The following CTNNA3 variants were observed in gnomAD, a reference collection of about 807,000 sequenced individuals.
CTNNA3 encodes catenin alpha-3.
CTNNA3 carries 76 observed loss-of-function variants against 95.7 expected under a neutral mutation model. The ratio of observed to expected loss-of-function variants is 0.79; its 90% CI spans 0.66 to 0.96. The LOEUF (loss-of-function observed/expected upper bound fraction) is 0.96. CTNNA3 is among the 40% of genes least tolerant of loss of function. The probability of loss-of-function intolerance (pLI) is 0.00; values close to 1 mark genes in which losing one functional copy is unlikely to be tolerated. For missense variants in CTNNA3, 1,191 were observed against 1,089.8 expected, an observed-to-expected ratio of 1.09 and a Z score of -1.31; for synonymous variants, 431 against 374.4, an observed-to-expected ratio of 1.15 and a Z score of -1.74.
intron 15 of CTNNA3, among the ~76,000 whole-genome samples, chr10:66,021,852 C>CTTTTTGTTTTTTTTTTTTTTTTTT (rs2079219729): frequency 2.6e-5 from 2 of 75,952 alleles, no homozygotes; most frequent in Non-Finnish European, 2.4e-5. Flanking sequence ...AGGATCTTGG[C>CTTTTTGTTTTTTTTTTTTTTTTTT]TTTTTTTTTT....
intron 13 of CTNNA3, among the ~76,000 whole-genome samples, chr10:66,178,750 T>C (rs1392996071): frequency 6.6e-6 from 1 of 151,578 alleles, no homozygotes; most frequent in Non-Finnish European, 1.5e-5. Flanking sequence ...ATGGATAAAA[T>C]ACATGAGCAG....
chr10:67,039,337 T>G (rs777564526), intron 7 of CTNNA3, among the ~76,000 whole-genome samples: 1 of 152,160 alleles, frequency 6.6e-6, no homozygotes, highest in Non-Finnish European at 1.5e-5. Context: ...AATAAGTTAT[T>G]TATTCTAAGA....
chr10:67,703,417 C>T (rs1395959373), intron 1 of CTNNA3, among the ~76,000 whole-genome samples: 1 of 152,026 alleles, frequency 6.6e-6, no homozygotes, highest in African/African-American at 2.4e-5. Context: ...CATCAAAAAG[C>T]TTATCCACCA....
chr10:66,000,426 G>A (rs530600811), intron 15 of CTNNA3, among the ~76,000 whole-genome samples: 1 of 152,234 alleles, frequency 6.6e-6, no homozygotes. Flanking sequence ...TTTTCATAGA[G>A]TCATTTTGTC....
At chr10:67,066,341 C>T (rs541621366) in intron 7 of CTNNA3, among the ~76,000 whole-genome samples, 14 of 151,868 alleles carry the variant, frequency 9.2e-5, no homozygotes, top group African/African-American at 3.1e-4. Flanking sequence ...TACAGGTGTG[C>T]GCCACCACAT....
rs142793833 is a variant in CTNNA3 at position 66,052,339 on chromosome 10, G to A, written c.2159+16969C>T. On this transcript the variant is annotated intron_variant, in intron 15 of 17. Coordinates refer to ENST00000433211, the MANE Select transcript of CTNNA3 (RefSeq NM_013266.4). ...AAATTCTTATCCATAATTAGGAAAT[G>A]TGGTCACAAAATACAAATATCAAAG... Among the ~76,000 whole-genome samples the A allele has an allele frequency of 2.6e-3, 389 of 152,250 alleles. 5 individuals carry two copies. The highest frequency in any genetic ancestry group is 9.0e-3 in the African/African-American group (376 of 41,572).
intron 11 of CTNNA3, among the ~76,000 whole-genome samples, chr10:66,475,704 C>CA (rs1564999286): frequency 6.6e-6 from 1 of 151,922 alleles, no homozygotes; most frequent in African/African-American, 2.4e-5. Flanking sequence ...ATTAAAAAGT[C>CA]AAGAAACAAA....
chr10:66,806,756 A>ATGTGTGTG lies in CTNNA3; in HGVS notation c.1048-31240_1048-31233dup, dbSNP rs57749652. Among the ~76,000 whole-genome samples, 283 of 145,816 alleles carry ATGTGTGTG rather than the reference A, an allele frequency of 1.9e-3. 1 individual carries two copies. The highest frequency in any genetic ancestry group is 3.7e-3 in the African/African-American group (145 of 39,242). On this transcript the variant is annotated intron_variant, in intron 7 of 17. Coordinates refer to ENST00000433211, the MANE Select transcript of CTNNA3 (RefSeq NM_013266.4). ...TATATTTATAGAGAATGTGGCATAT[A>ATGTGTGTG]TGTGTGTGTGTGTGTGTGTGTGTGT...
chr10:66,043,956 CTGTGTG>C (rs59559225), intron 15 of CTNNA3, among the ~76,000 whole-genome samples: 7,082 of 144,436 alleles, frequency 0.049, 190 homozygotes, highest in Non-Finnish European at 0.053. Flanking sequence ...TAGGACTATG[CTGTGTG>C]TGTGTGTGTG....
At chr10:66,611,094 G>A (rs1328256289) in intron 10 of CTNNA3, among the ~76,000 whole-genome samples, 1 of 152,052 alleles carries the variant, frequency 6.6e-6, no homozygotes, top group Non-Finnish European at 1.5e-5. Flanking sequence ...CTAAAACTGT[G>A]GATCTCATGG....
At chr10:66,616,606 T>C (rs1844523394) in intron 10 of CTNNA3, among the ~76,000 whole-genome samples, 1 of 152,090 alleles carries the variant, frequency 6.6e-6, no homozygotes, top group Non-Finnish European at 1.5e-5. Context: ...TGAAGGGTGA[T>C]ACCTATAACT....
Position 65,915,694 on chromosome 10 carries a change from A to G in CTNNA3, c.*4636T>C, listed in dbSNP as rs750930025. The G allele has an allele frequency of 6.6e-6, 1 of 152,114 alleles. No homozygotes were observed. The highest frequency in any genetic ancestry group is 1.5e-5 in the Non-Finnish European group (1 of 68,020). 9.4% of individuals were successfully genotyped at this position (152,114 alleles called of 1,614,324 possible). On this transcript the variant is annotated 3_prime_UTR_variant, in exon 18 of 18. Coordinates refer to ENST00000433211, the MANE Select transcript of CTNNA3 (RefSeq NM_013266.4). ...TGGGATTCTGGTCAGGTTGAGTTCC[A>G]TTTGGAGACAGCTCTCTCAATTAAC...
At chr10:66,279,080 G>C (rs2091449146) in intron 13 of CTNNA3, among the ~76,000 whole-genome samples, 1 of 152,010 alleles carries the variant, frequency 6.6e-6, no homozygotes, top group Non-Finnish European at 1.5e-5. Flanking sequence ...TTTGCTTTCA[G>C]GTTTTCCCAA....
At chr10:67,286,960 T>C (rs1839628300) in intron 5 of CTNNA3, among the ~76,000 whole-genome samples, 3 of 152,198 alleles carry the variant, frequency 2.0e-5, no homozygotes, top group African/African-American at 7.2e-5. Context: ...GACAGATTCT[T>C]GAACACAATT....
At chr10:67,142,597 G>A (rs1273654879) in intron 7 of CTNNA3, among the ~76,000 whole-genome samples, 4 of 152,118 alleles carry the variant, frequency 2.6e-5, no homozygotes, top group Non-Finnish European at 5.9e-5. Flanking sequence ...TATTAAGTGT[G>A]CGGAGCATTA....
chr10:67,114,694 G>A (rs544530193), intron 7 of CTNNA3, among the ~76,000 whole-genome samples: 1 of 146,608 alleles, frequency 6.8e-6, no homozygotes, highest in African/African-American at 2.6e-5. Context: ...AATCACCATA[G>A]TGATGGTTCT....
At chr10:66,244,620 G>T (rs2090235171) in intron 13 of CTNNA3, among the ~76,000 whole-genome samples, 1 of 152,108 alleles carries the variant, frequency 6.6e-6, no homozygotes, top group Non-Finnish European at 1.5e-5. Flanking sequence ...GAATTCTTCT[G>T]GATCTTATCC....
chr10:67,197,296 A>G (rs559055093), intron 6 of CTNNA3, among the ~76,000 whole-genome samples: 50 of 152,130 alleles, frequency 3.3e-4, no homozygotes, highest in Non-Finnish European at 5.4e-4. Flanking sequence ...AAGAAAAGGT[A>G]CACAGGGGGC....
chr10:67,045,292 G>T (rs942360498), intron 7 of CTNNA3, among the ~76,000 whole-genome samples: 19 of 152,230 alleles, frequency 1.2e-4, no homozygotes, highest in Admixed American at 4.6e-4. Context: ...AACCATCTTT[G>T]TTCCCAAGGA....
Sources: allele counts gnomAD v4.1 joint callset (sites outside exome capture counted in the v4.1 genomes callset), GRCh38; gene constraint gnomAD v4.1.1; transcripts MANE v1.5; gene names NCBI Gene and HGNC (gene_info 2026-07-23, HGNC 2026-07-21).